SHISA9: variants seen among roughly 807,000 people sequenced by gnomAD.
SHISA9 encodes the protein shisa family member 9.
SHISA9 carries 13 observed loss-of-function variants against 38.0 expected under a neutral mutation model. The ratio of observed to expected loss-of-function variants is 0.34; its 90% CI spans 0.22 to 0.54. The LOEUF is 0.54. Among genes scored for constraint, SHISA9 ranks in the 20% least tolerant of loss-of-function variants. SHISA9 has a pLI of 0.91. For missense variants in SHISA9, 538 were observed against 575.8 expected, an observed-to-expected ratio of 0.93 and a Z score of 0.67; for synonymous variants, 275 against 242.0, an observed-to-expected ratio of 1.14 and a Z score of -1.27.
chr16:13,370,543 G>A, the SHISA9 span, among the ~76,000 whole-genome samples: 7 of 152,204 alleles, frequency 4.6e-5, no homozygotes, highest in African/African-American at 1.4e-4. Context: ...AGGCATTGCT[G>A]AGTGGACCTT....
intron 2 of SHISA9, among the ~76,000 whole-genome samples, chr16:13,130,773 T>C (rs1324277860): frequency 6.6e-6 from 1 of 152,218 alleles, no homozygotes; most frequent in Non-Finnish European, 1.5e-5. Flanking sequence ...GTAGCACAAA[T>C]GTGGCCACAG....
intron 2 of SHISA9, among the ~76,000 whole-genome samples, chr16:13,083,335 A>G (rs753470506): frequency 5.7e-4 from 87 of 152,202 alleles, no homozygotes; most frequent in Non-Finnish European, 8.8e-4. Context: ...GAAGTGCATC[A>G]TTGTGCGAAT....
chr16:13,050,788 T>C (rs1471395730), intron 2 of SHISA9, among the ~76,000 whole-genome samples: 1 of 152,244 alleles, frequency 6.6e-6, no homozygotes, highest in Non-Finnish European at 1.5e-5. Flanking sequence ...AACTCAGTCA[T>C]TCTGCTTCTG....
chr16:13,053,307 G>A (rs2073273897), intron 2 of SHISA9, among the ~76,000 whole-genome samples: 1 of 151,856 alleles, frequency 6.6e-6, no homozygotes, highest in African/African-American at 2.4e-5. Flanking sequence ...ATCAAGTGTT[G>A]GCATCTCACC....
rs185059984 is a variant in SHISA9 at position 13,089,052 on chromosome 16, A to G, written c.692-114342A>G. ...GAATTTTGTTGAAGGCCTTTTCTGC[A>G]TTTGTTAAGATAATCATGTGGTTTT... is the stretch of plus-strand genomic sequence containing the variant. On this transcript the variant is annotated intron_variant, in intron 2 of 4. Transcript: ENST00000558583. Among the ~76,000 whole-genome samples the G allele has an allele frequency of 2.2e-4, 33 of 152,312 alleles. No individual in the cohort carries two copies. In the East Asian group the frequency reaches 3.3e-3, roughly 15 times the overall value.
the SHISA9 span, among the ~76,000 whole-genome samples, chr16:13,509,672 A>G: frequency 1.1e-4 from 16 of 152,352 alleles, no homozygotes; most frequent in African/African-American, 3.8e-4. Flanking sequence ...GTCTCTCTGC[A>G]TGGACTCCTT....
Position 13,079,880 on chromosome 16 carries a change from A to T in SHISA9, c.692-123514A>T, listed in dbSNP as rs189170417. 6.1e-3 allele frequency among the ~76,000 whole-genome samples: 935 copies of T among 152,324 alleles called. 10 individuals are homozygous for T. Among genetic ancestry groups the T allele is most frequent in the African/African-American group, 0.021 (883 of 41,574 alleles). ...TTTTTTTAACATATAATTATGGTTT[A>T]AAAAACCCAGGAAACACCTTCTTGT... On this transcript the variant is annotated intron_variant, in intron 2 of 4. Transcript: ENST00000558583.
chr16:13,366,749 A>G, the SHISA9 span, among the ~76,000 whole-genome samples: 1 of 152,158 alleles, frequency 6.6e-6, no homozygotes, highest in Non-Finnish European at 1.5e-5. Flanking sequence ...GCGCTTTGGG[A>G]GGCCGAGGTG....
chr16:13,482,460 A>G, the SHISA9 span, among the ~76,000 whole-genome samples: 1 of 152,190 alleles, frequency 6.6e-6, no homozygotes, highest in African/African-American at 2.4e-5. Context: ...TTATGTCATT[A>G]ATAGCTCCAT....
chr16:13,343,369 C>A, the SHISA9 span, among the ~76,000 whole-genome samples: 1 of 152,076 alleles, frequency 6.6e-6, no homozygotes, highest in Non-Finnish European at 1.5e-5. Flanking sequence ...TTTACATTTT[C>A]CCACTTTTTT....
chr16:13,205,555 T>A (rs2051055777), intron 3 of SHISA9, among the ~76,000 whole-genome samples: 1 of 152,180 alleles, frequency 6.6e-6, no homozygotes, highest in African/African-American at 2.4e-5. Context: ...TGGCCCCTTT[T>A]TAAGGTCTCA....
At chr16:13,540,193 CCACACA>C in the SHISA9 span, among the ~76,000 whole-genome samples, 59 of 149,622 alleles carry the variant, frequency 3.9e-4, no homozygotes, top group South Asian at 2.3e-3. Flanking sequence ...GCATACATGC[CCACACA>C]CACACACACA....
chr16:12,993,883 C>A (rs1383691467), intron 2 of SHISA9, among the ~76,000 whole-genome samples: 1 of 151,916 alleles, frequency 6.6e-6, no homozygotes, highest in Non-Finnish European at 1.5e-5. Flanking sequence ...GGAATAGCAT[C>A]CAGGCAGAGG....
At chr16:13,519,094 C>CA in the SHISA9 span, among the ~76,000 whole-genome samples, 1 of 151,872 alleles carries the variant, frequency 6.6e-6, no homozygotes, top group South Asian at 2.1e-4. Flanking sequence ...TATTATTTAT[C>CA]ACAAAAAAGA....
At chr16:13,464,981 G>A in the SHISA9 span, among the ~76,000 whole-genome samples, 2 of 152,088 alleles carry the variant, frequency 1.3e-5, no homozygotes, top group African/African-American at 4.8e-5. Context: ...TTCTTAGGAA[G>A]GATAATGGAG....
chr16:13,452,001 G>T, the SHISA9 span, among the ~76,000 whole-genome samples: 1 of 152,156 alleles, frequency 6.6e-6, no homozygotes, highest in African/African-American at 2.4e-5. Context: ...GATGCTGAAG[G>T]GACCCTTTGT....
At chr16:13,196,258 G>A (rs923564726) in intron 2 of SHISA9, among the ~76,000 whole-genome samples, 3 of 150,974 alleles carry the variant, frequency 2.0e-5, no homozygotes, top group Admixed American at 6.6e-5. Context: ...TTAGCTGGGC[G>A]AGGTGGCGCG....
intron 2 of SHISA9, among the ~76,000 whole-genome samples, chr16:13,052,325 A>G (rs569383041): frequency 6.6e-6 from 1 of 152,332 alleles, no homozygotes; most frequent in African/African-American, 2.4e-5. Flanking sequence ...GTTTTTCTGT[A>G]ATAACTCTTG....
At chr16:13,060,631 C>G (rs1353616880) in intron 2 of SHISA9, among the ~76,000 whole-genome samples, 2 of 122,400 alleles carry the variant, frequency 1.6e-5, no homozygotes, top group African/African-American at 6.5e-5. Context: ...CAGTGAGACC[C>G]CATCTCAAAA....
Sources: allele counts gnomAD v4.1 joint callset (sites outside exome capture counted in the v4.1 genomes callset), GRCh38; gene constraint gnomAD v4.1.1; transcripts MANE v1.5; gene names NCBI Gene and HGNC (gene_info 2026-07-23, HGNC 2026-07-21).